Variants in EGFR observed in about 807,000 individuals in gnomAD.
EGFR encodes the protein avian erythroblastic leukemia viral (v-erb-b) oncogene homolog.
In EGFR, 58 loss-of-function variants were observed where a neutral mutation model predicts 143.0. The observed-to-expected ratio is 0.41, with a 90% confidence interval of 0.33 to 0.50. The LOEUF (loss-of-function observed/expected upper bound fraction) is 0.50, where lower values mean the gene tolerates loss of function less well. Ranked by LOEUF, EGFR falls within the 20% of genes least tolerant of loss-of-function variation. The pLI, the probability that EGFR is intolerant of heterozygous loss-of-function variation, is 0.39. For missense variants in EGFR, 1,307 were observed against 1,579.0 expected, an observed-to-expected ratio of 0.83 and a Z score of 2.92; for synonymous variants, 613 against 594.4, an observed-to-expected ratio of 1.03 and a Z score of -0.45.
chr7:55,156,745 GTTGT>G lies in EGFR; in HGVS notation c.1134-7_1134-4del, dbSNP rs1325544866. The G allele has an allele frequency of 6.2e-7, 1 of 1,614,028 alleles. No homozygotes were observed. Among genetic ancestry groups the G allele is most frequent in the Non-Finnish European group, 8.5e-7 (1 of 1,180,020 alleles). ...GAGATTGGTGATCAATAATCACCCT[GTTGT>G]TTGTTTCAGTGACTCCTTCACACAT... is the stretch of plus-strand genomic sequence containing the variant. On this transcript the variant is annotated splice_polypyrimidine_tract_variant and intron_variant, in intron 9 of 27. Coordinates refer to ENST00000275493, the MANE Select transcript of EGFR (RefSeq NM_005228.5).
intron 26 of EGFR, 141 bp downstream of exon 26, chr7:55,201,923 G>A: frequency 3.0e-6 from 3 of 1,009,264 alleles, no homozygotes; most frequent in East Asian, 2.5e-5. Context: ...CTGCACGGCT[G>A]TCACGCCTCA....
At chr7:55,176,352 T>C (rs528287630) in intron 19 of EGFR, among the ~76,000 whole-genome samples, 2 of 152,202 alleles carry the variant, frequency 1.3e-5, no homozygotes, top group Non-Finnish European at 2.9e-5. Context: ...GGAGGAAATA[T>C]GCTTCTGTGG....
chr7:55,052,893 C>T (rs1415305508), intron 1 of EGFR, among the ~76,000 whole-genome samples: 1 of 152,166 alleles, frequency 6.6e-6, no homozygotes, highest in Non-Finnish European at 1.5e-5. Context: ...CTCATCTTGA[C>T]TTCTTTTTCC....
chr7:55,193,003 C>T (rs1787468669), intron 22 of EGFR, among the ~76,000 whole-genome samples, 162 bp downstream of exon 22: 4 of 151,564 alleles, frequency 2.6e-5, no homozygotes, highest in Middle Eastern at 3.2e-3. Flanking sequence ...TGAGAAAACA[C>T]GGCAGAGGAA....
Position 55,191,832 on chromosome 7 carries a change from G to C in EGFR, c.2583G>C (p.Leu861=), listed in dbSNP as rs1252912476. 6.2e-7 allele frequency: 1 copy of C among 1,614,112 alleles called. No individual in the cohort carries two copies. Among genetic ancestry groups the C allele is most frequent in the Non-Finnish European group, 8.5e-7 (1 of 1,180,034 alleles). Residue 861 remains leucine (L), a synonymous_variant, in exon 21 of 28, where the codon CTG becomes CTC. Coordinates refer to ENST00000275493, the MANE Select transcript of EGFR (RefSeq NM_005228.5). ...VKITDFGLAK[L]LGAEEKEYHA... is the part of the protein sequence containing the mutation. ...TCACAGATTTTGGGCTGGCCAAACT[G>C]CTGGGTGCGGAAGAGAAAGAATACC...
rs1252208268 is a variant in EGFR, at chr7:55,206,949, C to T, written c.*1332C>T. 4.3e-6 allele frequency: 1 copy of T among 233,062 alleles called. No homozygotes were observed. Among genetic ancestry groups the T allele is most frequent in the Non-Finnish European group, 8.5e-6 (1 of 118,012 alleles). 14.4% of individuals were successfully genotyped at this position (233,062 alleles called of 1,614,324 possible). Reference sequence around the variant, plus strand: ...GGGTTTGAAATTGATAATGCTTTCACAACATTTGCAGATGTTTTAGAAGGA... The same window carrying T: ...GGGTTTGAAATTGATAATGCTTTCATAACATTTGCAGATGTTTTAGAAGGA... On this transcript the variant is annotated 3_prime_UTR_variant, in exon 28 of 28. Coordinates refer to ENST00000275493, the MANE Select transcript of EGFR (RefSeq NM_005228.5).
intron 1 of EGFR, among the ~76,000 whole-genome samples, chr7:55,069,344 T>C (rs1789693833): frequency 6.6e-6 from 1 of 152,180 alleles, no homozygotes; most frequent in Non-Finnish European, 1.5e-5. Flanking sequence ...TTAGCTCGTG[T>C]GGTGATTGCT....
At chr7:55,046,977 T>C (rs1788213040) in intron 1 of EGFR, among the ~76,000 whole-genome samples, 1 of 152,208 alleles carries the variant, frequency 6.6e-6, no homozygotes, top group African/African-American at 2.4e-5. Flanking sequence ...TTTAGATAAG[T>C]AACATAAAAA....
intron 1 of EGFR, among the ~76,000 whole-genome samples, chr7:55,101,946 G>A (rs1204314524): frequency 6.6e-6 from 1 of 152,150 alleles, no homozygotes; most frequent in African/African-American, 2.4e-5. Flanking sequence ...GTGGTGAGGG[G>A]AAGAGGTTGT....
At chr7:55,199,607 A>G (rs189907697) in intron 23 of EGFR, among the ~76,000 whole-genome samples, 2 of 152,240 alleles carry the variant, frequency 1.3e-5, no homozygotes, top group African/African-American at 4.8e-5. Context: ...CTGGCCTAAA[A>G]TAGCTTGATA....
chr7:55,168,781 C>T (rs551586593), intron 15 of EGFR: 24 of 530,654 alleles, frequency 4.5e-5, no homozygotes, highest in East Asian at 4.3e-4. Flanking sequence ...AGGAATTACA[C>T]GATAGAAATG....
intron 15 of EGFR, among the ~76,000 whole-genome samples, chr7:55,166,872 A>G (rs112377927): frequency 5.8e-4 from 49 of 84,834 alleles, no homozygotes; most frequent in South Asian, 2.4e-3. Context: ...CAATGGTGGT[A>G]GTGATGATGG....
chr7:55,056,370 T>G (rs889496301), intron 1 of EGFR, among the ~76,000 whole-genome samples: 4 of 152,248 alleles, frequency 2.6e-5, no homozygotes, highest in Admixed American at 6.5e-5. Context: ...TTTCTACTGA[T>G]TTTCAAAATA....
At chr7:55,089,589 A>G (rs1408247721) in intron 1 of EGFR, among the ~76,000 whole-genome samples, 2 of 152,234 alleles carry the variant, frequency 1.3e-5, no homozygotes, top group Non-Finnish European at 2.9e-5. Flanking sequence ...CTCTAAAAGC[A>G]TGATTTTTAA....
chr7:55,043,836 A>T (rs1197927764), intron 1 of EGFR: 1 of 152,220 alleles, frequency 6.6e-6, no homozygotes, highest in African/African-American at 2.4e-5. Flanking sequence ...TTTGCAGTTA[A>T]TGATCCTTTG....
intron 1 of EGFR, among the ~76,000 whole-genome samples, chr7:55,060,432 G>A (rs1789098562): frequency 2.0e-5 from 3 of 152,250 alleles, no homozygotes; most frequent in South Asian, 4.1e-4. Context: ...GTATAATGCT[G>A]ATTTTCTCAA....
chr7:55,059,711 C>A (rs1179951301), intron 1 of EGFR, among the ~76,000 whole-genome samples: 2 of 152,024 alleles, frequency 1.3e-5, no homozygotes, highest in Non-Finnish European at 2.9e-5. Context: ...ATTGTATGTA[C>A]ACCATATTTT....
chr7:55,195,598 C>A (rs185166431), intron 22 of EGFR, among the ~76,000 whole-genome samples: 3 of 152,102 alleles, frequency 2.0e-5, no homozygotes, highest in African/African-American at 7.2e-5. Flanking sequence ...GGGTTTGTTA[C>A]ACAGATTATT....
intron 1 of EGFR, among the ~76,000 whole-genome samples, chr7:55,086,165 C>T (rs777710572): frequency 7.9e-5 from 12 of 152,092 alleles, no homozygotes; most frequent in Non-Finnish European, 1.6e-4. Flanking sequence ...ATGTTACTGC[C>T]GAGGAAAGGG....
Sources: allele counts gnomAD v4.1 joint callset (sites outside exome capture counted in the v4.1 genomes callset), GRCh38; gene constraint gnomAD v4.1.1; transcripts MANE v1.5; gene names NCBI Gene and HGNC (gene_info 2026-07-23, HGNC 2026-07-21).